The following MYO10 variants were observed in gnomAD, a reference collection of about 807,000 sequenced individuals.
The protein encoded by MYO10 is myosin X.
In MYO10, 133 loss-of-function variants were observed where a neutral mutation model predicts 257.3. That is an observed-to-expected ratio of 0.52 (90% CI 0.45 to 0.60). The LOEUF (loss-of-function observed/expected upper bound fraction) is 0.60. Among genes scored for constraint, MYO10 ranks in the 20% least tolerant of loss-of-function variants. The pLI is 0.00. For synonymous variants in MYO10, 1,104 were observed against 1,028.6 expected (o/e 1.07, Z -1.40); for missense variants, 2,399 against 2,635.7 (o/e 0.91, Z 1.97).
chr5:16,808,009 G>C (rs1442781425), intron 3 of MYO10, among the ~76,000 whole-genome samples: 2 of 152,272 alleles, frequency 1.3e-5, no homozygotes, highest in Admixed American at 6.5e-5. Context: ...CTAACACAGA[G>C]CCTGGTACCC....
chr5:16,674,738 C>T, intron 35 of MYO10, 115 bp downstream of exon 35: 5 of 1,208,432 alleles, frequency 4.1e-6, no homozygotes, highest in Non-Finnish European at 5.9e-6. Flanking sequence ...CCCAGAGGTC[C>T]CTGTCCTACT....
intron 19 of MYO10, among the ~76,000 whole-genome samples, chr5:16,745,286 G>A (rs567728863): frequency 6.6e-6 from 1 of 152,302 alleles, no homozygotes; most frequent in East Asian, 1.9e-4. Context: ...AGGTTGCAGT[G>A]AGCCAAGATC....
At chr5:16,856,517 T>C (rs987921580) in intron 2 of MYO10, among the ~76,000 whole-genome samples, 1 of 151,316 alleles carries the variant, frequency 6.6e-6, no homozygotes, top group Non-Finnish European at 1.5e-5. Context: ...ACCACTGCAC[T>C]CCAGCCTGGG....
At chr5:16,874,282 C>T (rs550053587) in intron 2 of MYO10, among the ~76,000 whole-genome samples, 3 of 140,494 alleles carry the variant, frequency 2.1e-5, no homozygotes, top group Admixed American at 8.1e-5. Flanking sequence ...TGCAGTGAGC[C>T]GAGATCGCGC....
At position 16,694,293 on chromosome 5, in the gene MYO10, C is replaced by T. The variant is rs893685254; in HGVS notation, c.3800+78G>A. 76 of 1,589,662 alleles carry T rather than the reference C, an allele frequency of 4.8e-5. 1 individual carries two copies. In the East Asian group the frequency reaches 8.3e-4, roughly 17 times the overall value. ...TACAGGCTACTGCCGCTGCAAGGAA[C>T]TTGCACAGCATGGCTCTATGACCAC... On this transcript the variant is annotated intron_variant, in intron 27 of 40. Transcript: ENST00000513610.
rs576957556 is a variant in MYO10 at position 16,679,804 on chromosome 5, C to A, written c.4542+143G>T. ...CCTTCCAAAGTGCTGGAATTACAGG[C>A]GTGAGCCACCGTGCCGGCCAACCAA... On this transcript the variant is annotated intron_variant, in intron 33 of 40. Transcript: ENST00000513610. 4.0e-4 allele frequency: 437 copies of A among 1,099,068 alleles called. 1 individual carries two copies. The highest frequency in any genetic ancestry group is 5.1e-4 in the Non-Finnish European group (407 of 791,684). The allele number at this position is 1,099,068 out of a possible 1,614,324, so 68.1% of individuals were successfully genotyped here.
At chr5:16,867,177 A>G (rs1744276338) in intron 2 of MYO10, among the ~76,000 whole-genome samples, 1 of 152,158 alleles carries the variant, frequency 6.6e-6, no homozygotes, top group South Asian at 2.1e-4. Flanking sequence ...CTTGGCTCAG[A>G]TGTCTAGATC....
intron 21 of MYO10, among the ~76,000 whole-genome samples, chr5:16,706,715 GACA>G (rs1322084142): frequency 6.6e-6 from 1 of 152,112 alleles, no homozygotes; most frequent in African/African-American, 2.4e-5. Context: ...ATCAGAATCA[GACA>G]AATACTTGCT....
chr5:16,907,294 C>G (rs29447), intron 1 of MYO10, among the ~76,000 whole-genome samples: 5 of 151,896 alleles, frequency 3.3e-5, no homozygotes, highest in African/African-American at 1.2e-4. Context: ...CCAGGGCACA[C>G]GCTCTTGTAA....
rs370016084 is a variant in MYO10, at chr5:16,746,261, T to C, written c.1929+8567A>G. ...CCAGAGGTCACTCTCGTGGCCATCT[T>C]GGTTTTGGTCAGTTTTGGCCACCTT... On this transcript the variant is annotated intron_variant, in intron 19 of 40. Coordinates refer to ENST00000513610, the MANE Select transcript of MYO10 (RefSeq NM_012334.3). Among the ~76,000 whole-genome samples the C allele has an allele frequency of 2.0e-5, 3 of 152,314 alleles. No individual in the cohort carries two copies. In the South Asian group the frequency reaches 6.2e-4, roughly 32 times the overall value.
intron 2 of MYO10, among the ~76,000 whole-genome samples, chr5:16,818,427 C>CACGTATATATATATAT (rs1742705381): frequency 7.2e-6 from 1 of 139,056 alleles, no homozygotes; most frequent in African/African-American, 2.9e-5. Context: ...TATATATATA[C>CACGTATATATATATAT]ACATATCTTT....
chr5:16,736,801 A>T (rs1392892969), intron 19 of MYO10, among the ~76,000 whole-genome samples: 1 of 152,350 alleles, frequency 6.6e-6, no homozygotes, highest in Non-Finnish European at 1.5e-5. Context: ...CACAATTAGC[A>T]TAGTAACAAT....
At chr5:16,744,361 A>G (rs1030138296) in intron 19 of MYO10, among the ~76,000 whole-genome samples, 2 of 152,188 alleles carry the variant, frequency 1.3e-5, no homozygotes, top group African/African-American at 4.8e-5. Context: ...AAACACAGGG[A>G]AAGGACGCCC....
At chr5:16,873,514 C>A (rs1744504931) in intron 2 of MYO10, among the ~76,000 whole-genome samples, 1 of 152,206 alleles carries the variant, frequency 6.6e-6, no homozygotes, top group African/African-American at 2.4e-5. Context: ...TCTCACAGCT[C>A]CACTAGGCGG....
At chr5:16,734,762 G>A (rs10050431) in intron 19 of MYO10, among the ~76,000 whole-genome samples, 16,598 of 150,892 alleles carry the variant, frequency 0.11, 958 homozygotes, top group African/African-American at 0.12. Flanking sequence ...CTGAGACTGC[G>A]CCATTGCACT....
chr5:16,666,529 C>T lies in MYO10; in HGVS notation c.*163G>A, dbSNP rs1321382726. 29 of 592,682 alleles carry T rather than the reference C, an allele frequency of 4.9e-5. No individual in the cohort carries two copies. In the East Asian group the frequency reaches 8.4e-4, roughly 17 times the overall value. The allele number at this position is 592,682 out of a possible 1,614,324, so 36.7% of individuals were successfully genotyped here. A position where few individuals can be genotyped will look rare whatever the true frequency, so the allele number is the denominator to read the frequency against. ...CAGCTTAATACAGGATCAATGAAGG[C>T]GGCAGGCAAAAGGATCCTCGGAGAC... On this transcript the variant is annotated 3_prime_UTR_variant, in exon 41 of 41. Coordinates refer to ENST00000513610, the MANE Select transcript of MYO10 (RefSeq NM_012334.3).
chr5:16,849,754 T>C (rs1420521922), intron 2 of MYO10, among the ~76,000 whole-genome samples: 1 of 152,234 alleles, frequency 6.6e-6, no homozygotes, highest in Non-Finnish European at 1.5e-5. Flanking sequence ...CTAGTAAACT[T>C]AGTTGTGGGG....
At chr5:16,817,752 A>T (rs1349374556) in intron 3 of MYO10, among the ~76,000 whole-genome samples, 2 of 152,198 alleles carry the variant, frequency 1.3e-5, no homozygotes, top group Admixed American at 1.3e-4. Context: ...GCGTATTCAC[A>T]AGCAGCAAGG....
chr5:16,695,530 A>G (rs1737707656), intron 26 of MYO10, among the ~76,000 whole-genome samples: 1 of 152,082 alleles, frequency 6.6e-6, no homozygotes, highest in African/African-American at 2.4e-5. Context: ...GACTATGAAA[A>G]AAAAAAAAAG....
Sources: allele counts gnomAD v4.1 joint callset (sites outside exome capture counted in the v4.1 genomes callset), GRCh38; gene constraint gnomAD v4.1.1; transcripts MANE v1.5; gene names NCBI Gene and HGNC (gene_info 2026-07-23, HGNC 2026-07-21).